Variants in TET3 observed in about 807,000 individuals in gnomAD.
The protein encoded by TET3 is tet methylcytosine dioxygenase 3.
A neutral mutation model predicts 141.4 loss-of-function variants in TET3; 19 were observed. That is an observed-to-expected ratio of 0.13 (90% CI 0.09 to 0.20). The LOEUF (loss-of-function observed/expected upper bound fraction) is 0.20, where lower values mean the gene tolerates loss of function less well. Ranked by LOEUF, TET3 falls within the 10% of genes least tolerant of loss-of-function variation. TET3 has a pLI of 1.00. For missense variants in TET3, 1,874 were observed against 2,356.9 expected, an observed-to-expected ratio of 0.80 and a Z score of 4.24; for synonymous variants, 1,043 against 980.9, an observed-to-expected ratio of 1.06 and a Z score of -1.18.
intron 3 of TET3, among the ~76,000 whole-genome samples, chr2:74,007,413 G>C (rs1685205023): frequency 6.6e-6 from 1 of 152,236 alleles, no homozygotes; most frequent in Non-Finnish European, 1.5e-5. Context: ...TCAGAAATGG[G>C]CTAGCTGGGA....
intron 7 of TET3, 29 bp from the exon 8 acceptor site, chr2:74,089,868 A>C: frequency 6.2e-7 from 1 of 1,612,428 alleles, no homozygotes; most frequent in Non-Finnish European, 8.5e-7. Flanking sequence ...TATTGCATCT[A>C]TATCCCTGAC....
At chr2:74,044,225 T>A (rs972998084) in intron 3 of TET3, among the ~76,000 whole-genome samples, 1 of 152,166 alleles carries the variant, frequency 6.6e-6, no homozygotes, top group Admixed American at 6.5e-5. Flanking sequence ...TAAAACACTT[T>A]GTGTTATACT....
chr2:74,061,662 G>A (rs561265392), intron 4 of TET3, among the ~76,000 whole-genome samples: 65 of 150,116 alleles, frequency 4.3e-4, no homozygotes, highest in African/African-American at 1.5e-3. Flanking sequence ...CTTCCCAGAC[G>A]GGGTGGCTGC....
In TET3 at chr2:74,099,370, C is replaced by T. The variant is rs775611125; in HGVS notation, c.3362C>T (p.Thr1121Met). 1.9e-6 allele frequency: 3 copies of T among 1,613,914 alleles called. No homozygotes were observed. The highest frequency in any genetic ancestry group is 2.5e-6 in the Non-Finnish European group (3 of 1,179,872). ...CTCCCCCTGTACAAGATGGCCAACA[C>T]GGATGAGTTTGGTAGCGAGGAGAAC... ...HVLPLYKMAN[T>M]DEFGSEENQN... The change falls in exon 11 of 12, where the codon ACG becomes ATG. Residue 1121 changes from threonine to methionine, a missense_variant. Physicochemically the swap from Thr to Met is moderately conservative, Grantham distance 81. Transcript: ENST00000409262.
chr2:74,133,193 C>T, the TET3 span, among the ~76,000 whole-genome samples: 4 of 151,798 alleles, frequency 2.6e-5, no homozygotes, highest in African/African-American at 7.3e-5. Context: ...GGATTACGCG[C>T]GTGAGCCACC....
chr2:74,108,455 G>A (rs1421355205), downstream of TET3, among the ~76,000 whole-genome samples: 1 of 151,892 alleles, frequency 6.6e-6, no homozygotes, highest in Non-Finnish European at 1.5e-5. Context: ...ATGTTTTTTT[G>A]TCCTTTTTTT....
At position 74,100,930 on chromosome 2, in the gene TET3, A is replaced by C. The variant is rs1691168052; in HGVS notation, c.4142A>C (p.Asp1381Ala). ...CCCCTACTCCACTCAGTGTCCAGGG[A>C]CCCCTCCCCCTTTGCCCAGAGCTCC... is the stretch of plus-strand genomic sequence containing the variant. ...KAPLLHSVSR[D>A]PSPFAQSSNC... Residue 1381 changes from aspartate to alanine, a missense_variant, in exon 12 of 12, where the codon GAC becomes GCC. Transcript: ENST00000409262. The C allele has an allele frequency of 1.2e-6, 2 of 1,610,190 alleles. No individual in the cohort carries two copies. Among genetic ancestry groups the C allele is most frequent in the South Asian group, 1.1e-5 (1 of 90,346 alleles).
chr2:74,024,143 G>GAAAGGA (rs2105259336), intron 3 of TET3, among the ~76,000 whole-genome samples: 1 of 152,248 alleles, frequency 6.6e-6, no homozygotes, highest in Non-Finnish European at 1.5e-5. Context: ...CTTCATCCTG[G>GAAAGGA]AGTTATTTAG....
chr2:74,108,186 G>A (rs1165361877), downstream of TET3: 2 of 153,602 alleles, frequency 1.3e-5, no homozygotes, highest in Non-Finnish European at 2.9e-5. Context: ...ATTCAGTGTG[G>A]GTTCTCTTTT....
At chr2:73,995,732 C>T (rs28534414) in intron 2 of TET3, among the ~76,000 whole-genome samples, 1 of 152,022 alleles carries the variant, frequency 6.6e-6, no homozygotes, top group Non-Finnish European at 1.5e-5. Flanking sequence ...TGGGAGCCAG[C>T]CTTAGAGTGA....
intron 11 of TET3, 32 bp from the exon 12 acceptor site, chr2:74,100,361 C>T (rs1363078716): frequency 6.5e-6 from 10 of 1,547,266 alleles, no homozygotes; most frequent in African/African-American, 1.4e-5. Context: ...GTGTTGTCTG[C>T]CCCTCTGCCA....
Position 74,015,195 on chromosome 2 carries a change from G to A in TET3, c.360+12029G>A, listed in dbSNP as rs565204134. ...CTTTATCCTAACTCCTTAGAGAGCCGTGATGGTCAGGAGAAAGGGATAGGC... is the reference window on the plus strand; with the variant it reads ...CTTTATCCTAACTCCTTAGAGAGCCATGATGGTCAGGAGAAAGGGATAGGC... On this transcript the variant is annotated intron_variant, in intron 3 of 11. Coordinates refer to ENST00000409262, the MANE Select transcript of TET3 (RefSeq NM_001287491.2). Among the ~76,000 whole-genome samples the A allele has an allele frequency of 2.1e-3, 326 of 152,324 alleles. 1 individual carries two copies. Among genetic ancestry groups the A allele is most frequent in the African/African-American group, 7.3e-3 (303 of 41,570 alleles).
chr2:74,009,927 T>C (rs933641886), intron 3 of TET3, among the ~76,000 whole-genome samples: 1 of 152,224 alleles, frequency 6.6e-6, no homozygotes, highest in Non-Finnish European at 1.5e-5. Context: ...GGCTGGAAGC[T>C]CTGGGCAGGT....
chr2:73,985,678 T>G (rs948997807), intron 1 of TET3, among the ~76,000 whole-genome samples: 1 of 151,942 alleles, frequency 6.6e-6, no homozygotes. Context: ...CCAGGGCGTG[T>G]GGGGGAATTT....
intron 3 of TET3, among the ~76,000 whole-genome samples, chr2:74,021,738 C>T (rs192850283): frequency 1.8e-4 from 28 of 152,330 alleles, no homozygotes; most frequent in Non-Finnish European, 3.1e-4. Flanking sequence ...GTGATTCCCA[C>T]GCCCAATGGA....
intron 3 of TET3, among the ~76,000 whole-genome samples, chr2:74,005,179 G>C (rs1685089643): frequency 6.6e-6 from 1 of 152,188 alleles, no homozygotes; most frequent in Admixed American, 6.5e-5. Context: ...ATAGAGGCTG[G>C]TTTTCCGCAG....
rs555200362 is a variant in TET3 at position 74,093,262 on chromosome 2, C to G, written c.3130-267C>G. Among the ~76,000 whole-genome samples the G allele has an allele frequency of 1.3e-5, 2 of 152,178 alleles. No individual in the cohort carries two copies. The highest frequency in any genetic ancestry group is 2.9e-5 in the Non-Finnish European group (2 of 68,030). On this transcript the variant is annotated intron_variant, in intron 9 of 11. Transcript: ENST00000409262. This position sits in a 1 kb window ranked among gnomAD's most constrained non-coding sequence, Gnocchi z 4.2. ...TGGTCTGGTATCCACTGGTGAGGCC[C>G]GAGTTTCTCTCACCTGTCACCCTTG...
intron 3 of TET3, among the ~76,000 whole-genome samples, chr2:74,036,870 C>T: frequency 6.6e-6 from 1 of 152,092 alleles, no homozygotes; most frequent in Non-Finnish European, 1.5e-5. Context: ...GGGAATTAGG[C>T]CCATTTCAGC....
At chr2:73,991,798 T>G (rs1351375938) in intron 2 of TET3, among the ~76,000 whole-genome samples, 1 of 111,914 alleles carries the variant, frequency 8.9e-6, no homozygotes, top group African/African-American at 4.2e-5. Context: ...AGAGTGAAAC[T>G]CTGTCTCAAA....
Sources: allele counts gnomAD v4.1 joint callset (sites outside exome capture counted in the v4.1 genomes callset), GRCh38; gene constraint gnomAD v4.1.1; non-coding constraint Gnocchi (gnomAD v3.1); transcripts MANE v1.5; gene names NCBI Gene and HGNC (gene_info 2026-07-23, HGNC 2026-07-21).